BAZ2A: variants seen among roughly 807,000 people sequenced by gnomAD.
BAZ2A encodes the protein bromodomain adjacent to zinc finger domain protein 2A.
BAZ2A carries 34 observed loss-of-function variants against 199.9 expected under a neutral mutation model. The observed-to-expected ratio is 0.17, with a 90% CI of 0.13 to 0.23. The LOEUF (loss-of-function observed/expected upper bound fraction) is 0.23. Ranked by LOEUF, BAZ2A falls within the 10% of genes least tolerant of loss-of-function variation. The probability of loss-of-function intolerance (pLI) is 1.00; values close to 1 mark genes in which losing one functional copy is unlikely to be tolerated. For missense variants in BAZ2A, 2,002 were observed against 2,391.1 expected (o/e 0.84, Z 3.39); for synonymous variants, 857 against 883.9 (o/e 0.97, Z 0.54).
chr12:56,636,208 C>T (rs1025188354), exon 1 of BAZ2A: 1 of 1,591,138 alleles, frequency 6.3e-7, no homozygotes, highest in South Asian at 1.1e-5. Context: ...CAGCTCCAGG[C>T]TGGGACCACC....
rs558099096 is a variant in BAZ2A at position 56,613,153 on chromosome 12, G to T, written c.997C>A (p.Pro333Thr). Residue 333 changes from proline to threonine, a missense_variant, in exon 5 of 29, where the codon CCT becomes ACT. Transcript: ENST00000549884. ...AEDKLPLEDS[P>T]VISALDCPSL... ...GGGCAATCAAGGGCAGAAATCACAG[G>T]GCTGTCCTCAAGAGGCAGCTTGTCC... 5 of 1,613,930 alleles carry T rather than the reference G, an allele frequency of 3.1e-6. No homozygotes were observed. In the African/African-American group the frequency reaches 5.3e-5, roughly 17 times the overall value.
chr12:56,602,456 T>C lies in BAZ2A; in HGVS notation c.3424+257A>G, dbSNP rs987411585. Among the ~76,000 whole-genome samples, 16 of 152,214 alleles carry C rather than the reference T, an allele frequency of 1.1e-4. No homozygotes were observed. In the East Asian group the frequency reaches 2.7e-3, roughly 26 times the overall value. On this transcript the variant is annotated intron_variant, in intron 19 of 28. Coordinates refer to ENST00000549884, the MANE Select transcript of BAZ2A (RefSeq NM_001300905.2). ...GGGTTAAGTATTATTCTAAGAGACTTAACTCATTTTAATCCTCTCAGTAGC... is the reference window on the plus strand; with the variant it reads ...GGGTTAAGTATTATTCTAAGAGACTCAACTCATTTTAATCCTCTCAGTAGC...
intron 3 of BAZ2A, chr12:56,614,379 T>C: frequency 2.3e-6 from 1 of 440,294 alleles, no homozygotes. Context: ...ATCTCTATCA[T>C]GTTCTCAGAT....
At chr12:56,601,135 TGAA>T in intron 21 of BAZ2A, 37 bp from the exon 22 acceptor site, 4 of 1,613,898 alleles carry the variant, frequency 2.5e-6, no homozygotes, top group Non-Finnish European at 3.4e-6. Context: ...GCGCCAGCTG[TGAA>T]GCACTGCCCA....
intron 4 of BAZ2A, 59 bp from the exon 5 acceptor site, chr12:56,613,292 A>G: frequency 6.5e-7 from 1 of 1,534,658 alleles, no homozygotes; most frequent in South Asian, 1.1e-5. Flanking sequence ...AGAAAGCAAG[A>G]TTTAAGAAAC....
In BAZ2A at chr12:56,600,107, A is replaced by G. The variant is rs566567025; in HGVS notation, c.4893-11T>C. On this transcript the variant is annotated splice_polypyrimidine_tract_variant and intron_variant, in intron 24 of 28. Coordinates refer to ENST00000549884, the MANE Select transcript of BAZ2A (RefSeq NM_001300905.2). ...GTGATCTCATATGATCTGGAGGGAGAAAGTGGTGATCTTTGGAGAAGGAGC... is the reference window on the plus strand; with the variant it reads ...GTGATCTCATATGATCTGGAGGGAGGAAGTGGTGATCTTTGGAGAAGGAGC... The G allele has an allele frequency of 6.2e-7, 1 of 1,613,702 alleles. No homozygotes were observed. The highest frequency in any genetic ancestry group is 2.2e-5 in the East Asian group (1 of 44,868).
Position 56,597,448 on chromosome 12 carries a change from TG to T in BAZ2A, c.*1169del. 1 of 152,334 alleles carries T rather than the reference TG, an allele frequency of 6.6e-6. No homozygotes were observed. The highest frequency in any genetic ancestry group is 1.9e-4 in the East Asian group (1 of 5,142). The allele number at this position is 152,334 out of a possible 1,614,324, so 9.4% of individuals were successfully genotyped here. ...CTTGTCTCCAGAGAAATTGTTCCTG[TG>T]GTTTCCCAAAGACAAAAAAGTGATG... On this transcript the variant is annotated 3_prime_UTR_variant, in exon 29 of 29. Transcript: ENST00000549884.
At chr12:56,634,243 C>G (rs374425735), upstream of BAZ2A, among the ~76,000 whole-genome samples, 24 of 152,320 alleles carry the variant, frequency 1.6e-4, no homozygotes, top group East Asian at 4.1e-3. Context: ...TTAGCCCCAG[C>G]TCCCCACGCA....
chr12:56,618,827 G>A (rs1200929448), intron 1 of BAZ2A, among the ~76,000 whole-genome samples: 2 of 151,782 alleles, frequency 1.3e-5, no homozygotes, highest in Non-Finnish European at 2.9e-5. Flanking sequence ...CTGAAATTGC[G>A]CCATTGCACT....
In BAZ2A at chr12:56,615,579, G is replaced by A. The variant is rs778031675; in HGVS notation, c.165C>T (p.Gly55=). The A allele has an allele frequency of 3.1e-6, 5 of 1,606,080 alleles. No individual in the cohort carries two copies. Among genetic ancestry groups the A allele is most frequent in the Non-Finnish European group, 4.3e-6 (5 of 1,175,180 alleles). The change falls in exon 3 of 29, where the codon GGC becomes GGT. Residue 55 remains glycine, a synonymous_variant. Coordinates refer to ENST00000549884, the MANE Select transcript of BAZ2A (RefSeq NM_001300905.2). ...KSLNGDVNVN[G]LSTVSHTTTS... ...TAGTAGTGTGAGATACAGTAGATAA[G>A]CCATTAACATTCACATCCCCATTCA... is the stretch of plus-strand genomic sequence containing the variant.
chr12:56,619,818 G>C (rs957717812), intron 1 of BAZ2A, among the ~76,000 whole-genome samples: 1 of 152,116 alleles, frequency 6.6e-6, no homozygotes, highest in African/African-American at 2.4e-5. Context: ...AGACCAGCTT[G>C]GGAAACATAG....
chr12:56,598,743 C>G lies in BAZ2A; in HGVS notation c.5587G>C (p.Val1863Leu), dbSNP rs756323920. The G allele has an allele frequency of 6.2e-7, 1 of 1,613,058 alleles. No homozygotes were observed. Residue 1863 changes from valine (V) to leucine (L), a missense_variant, in exon 29 of 29, where the codon GTA (valine) becomes CTA (leucine). By Grantham distance (32) the Val-to-Leu change is conservative. Transcript: ENST00000549884. ...TTGAAAGTCTGGCAGTTGTCAAATACCAGGAGGGCATCAGCCGCAAACTCC... is the reference window on the plus strand; with the variant it reads ...TTGAAAGTCTGGCAGTTGTCAAATAGCAGGAGGGCATCAGCCGCAAACTCC... Reference protein sequence around the residue: ...SEEFAADALLVFDNCQTFNED... With the variant: ...SEEFAADALLLFDNCQTFNED...
chr12:56,610,317 C>T (rs1380941495), intron 8 of BAZ2A, 92 bp downstream of exon 8: 6 of 1,568,222 alleles, frequency 3.8e-6, no homozygotes, highest in African/African-American at 2.7e-5. Context: ...CAATGCCAGC[C>T]TGTTGTCACT....
intron 3 of BAZ2A, among the ~76,000 whole-genome samples, chr12:56,614,574 A>G (rs1209160808): frequency 1.3e-5 from 2 of 152,188 alleles, no homozygotes; most frequent in Non-Finnish European, 2.9e-5. Context: ...AAATAATGAT[A>G]TGCTCTGCCT....
In BAZ2A at chr12:56,599,113, G is replaced by T; in HGVS notation, c.5402+16C>A. 1.2e-6 allele frequency: 2 copies of T among 1,604,588 alleles called. No homozygotes were observed. The highest frequency in any genetic ancestry group is 1.7e-6 in the Non-Finnish European group (2 of 1,175,216). ...GAGGTAGAGCCAACTGTCCCCCCAGGATTCACTCAACTCACTCGCAAAATG... is the reference window on the plus strand; with the variant it reads ...GAGGTAGAGCCAACTGTCCCCCCAGTATTCACTCAACTCACTCGCAAAATG... On this transcript the variant is annotated intron_variant, in intron 27 of 28. Coordinates refer to ENST00000549884, the MANE Select transcript of BAZ2A (RefSeq NM_001300905.2).
chr12:56,629,966 C>G (rs1052559213), intron 1 of BAZ2A, 159 bp downstream of exon 1: 2 of 475,306 alleles, frequency 4.2e-6, no homozygotes, highest in Non-Finnish European at 5.5e-6. Context: ...AGCAAGGAGA[C>G]CCTCGCCTCG....
At chr12:56,625,370 G>C (rs1951055803) in intron 1 of BAZ2A, among the ~76,000 whole-genome samples, 1 of 151,660 alleles carries the variant, frequency 6.6e-6, no homozygotes, top group African/African-American at 2.4e-5. Context: ...TGGTCAGGCT[G>C]GTCTTGAACT....
rs776437973 is a variant in BAZ2A at position 56,611,942 on chromosome 12, T to C, written c.1440A>G (p.Leu480=). Residue 480 remains leucine, a synonymous_variant, in exon 6 of 29, where the codon TTA becomes TTG. Transcript: ENST00000549884. Reference sequence around the variant, plus strand: ...TCACTGAAGCCGTCAACGGGACTTCTAAGGAGACTGCTGGGAGGACTGCTG... The same window carrying C: ...TCACTGAAGCCGTCAACGGGACTTCCAAGGAGACTGCTGGGAGGACTGCTG... ...ASSAVLPAVS[L]EVPLTASVTS... 1.9e-6 allele frequency: 3 copies of C among 1,612,736 alleles called. No individual in the cohort carries two copies. In the African/African-American group the frequency reaches 4.0e-5, roughly 22 times the overall value.
At position 56,601,281 on chromosome 12, in the gene BAZ2A, C is replaced by T. The variant is rs370983483; in HGVS notation, c.4193G>A (p.Gly1398Glu). Residue 1398 changes from glycine (G) to glutamate (E), a missense_variant, in exon 21 of 29, where the codon GGG (glycine) becomes GAG (glutamate). By Grantham distance (98) the Gly-to-Glu change is moderately conservative. Transcript: ENST00000549884. ...CCCTCTCCGTTTGGGCTGTCCCAGC[C>T]CTGTGGGACTCTGTGGCATTTCTCC... ...DPGEMPQSPT[G>E]LGQPKRRGRP... is the part of the protein sequence containing the mutation. 16 of 1,613,906 alleles carry T rather than the reference C, an allele frequency of 9.9e-6. No homozygotes were observed. Among genetic ancestry groups the T allele is most frequent in the Non-Finnish European group, 1.4e-5 (16 of 1,179,902 alleles).
Sources: gnomAD v4.1 joint callset for allele counts (sites outside exome capture counted in the v4.1 genomes callset) on GRCh38, gnomAD v4.1.1 for gene constraint, MANE v1.5 for transcripts, NCBI Gene and HGNC (gene_info 2026-07-23, HGNC 2026-07-21) for gene names.